ARSK: variants seen among roughly 807,000 people sequenced by gnomAD.
ARSK encodes arylsulfatase family member K.
ARSK carries 37 observed loss-of-function variants against 53.2 expected under a neutral mutation model. The ratio of observed to expected loss-of-function variants is 0.70; its 90% confidence interval spans 0.54 to 0.92. The LOEUF (loss-of-function observed/expected upper bound fraction) is 0.92, where lower values mean the gene tolerates loss of function less well. Among genes scored for constraint, ARSK ranks in the 40% least tolerant of loss-of-function variants. ARSK has a pLI of 0.00. For synonymous variants in ARSK, 208 were observed against 223.2 expected, an observed-to-expected ratio of 0.93 and a Z score of 0.61; for missense variants, 613 against 643.0, an observed-to-expected ratio of 0.95 and a Z score of 0.51.
At chr5:95,588,898 G>T (rs1312570481) in intron 5 of ARSK, among the ~76,000 whole-genome samples, 1 of 152,062 alleles carries the variant, frequency 6.6e-6, no homozygotes, top group Non-Finnish European at 1.5e-5. Flanking sequence ...GGAGGCGGAG[G>T]TTGCAGTGAA....
intron 1 of ARSK, chr5:95,557,198 G>A (rs991437128): frequency 6.6e-6 from 1 of 152,010 alleles, no homozygotes; most frequent in African/African-American, 2.4e-5. Flanking sequence ...AGAGTTCCAT[G>A]TCCACAATAC....
At chr5:95,591,775 T>A (rs1749221946) in intron 6 of ARSK, 150 bp downstream of exon 6, 1 of 696,902 alleles carries the variant, frequency 1.4e-6, no homozygotes, top group African/African-American at 1.8e-5. Flanking sequence ...GAGTCAAATC[T>A]GTACTCTGAA....
chr5:95,588,835 GC>G (rs1424734075), intron 5 of ARSK, among the ~76,000 whole-genome samples: 1 of 151,974 alleles, frequency 6.6e-6, no homozygotes, highest in Non-Finnish European at 1.5e-5. Context: ...GGCAGTGTGC[GC>G]CTGTAGTCCC....
At chr5:95,586,516 T>C in intron 4 of ARSK, 46 bp from the exon 5 acceptor site, 1 of 1,439,160 alleles carries the variant, frequency 6.9e-7, no homozygotes, top group African/African-American at 1.4e-5. Context: ...AGGAAAGAAA[T>C]AGCACTATTT....
intron 5 of ARSK, among the ~76,000 whole-genome samples, chr5:95,590,553 T>G (rs1480061443): frequency 6.6e-6 from 1 of 152,118 alleles, no homozygotes; most frequent in Non-Finnish European, 1.5e-5. Context: ...ATTCCAGTTG[T>G]CCAGTTGAAA....
chr5:95,603,183 A>G, intron 7 of ARSK, 54 bp from the exon 8 acceptor site: 1 of 1,418,832 alleles, frequency 7.0e-7, no homozygotes, highest in Non-Finnish European at 9.4e-7. Flanking sequence ...TGACATTCTA[A>G]AAAAATTTTT....
At chr5:95,601,165 A>G (rs1749397009) in intron 7 of ARSK, 94 bp downstream of exon 7, 1 of 1,175,488 alleles carries the variant, frequency 8.5e-7, no homozygotes, top group African/African-American at 1.5e-5. Flanking sequence ...CTTGTTAAAT[A>G]AATGAATATC....
Position 95,577,343 on chromosome 5 carries a change from T to C in ARSK, c.417-5573T>C, listed in dbSNP as rs193073300. ...AATGGTGAATGTGATCTAAACCATT[T>C]TTAGATTCATAGCTAAAGTATTTTA... On this transcript the variant is annotated intron_variant, in intron 3 of 7. Transcript: ENST00000380009. Among the ~76,000 whole-genome samples the C allele has an allele frequency of 7.2e-5, 11 of 152,356 alleles. No individual in the cohort carries two copies. In the East Asian group the frequency reaches 2.1e-3, roughly 29 times the overall value.
At position 95,555,269 on chromosome 5, in the gene ARSK, G is replaced by T; in HGVS notation, c.-10G>T. The T allele has an allele frequency of 6.3e-7, 1 of 1,591,072 alleles. No homozygotes were observed. Among genetic ancestry groups the T allele is most frequent in the South Asian group, 1.1e-5 (1 of 90,654 alleles). ...GGCCCGGCGGCAGGCTCTCAGAACC[G>T]CTACCGGCGATGCTACTGCTGTGGG... On this transcript the variant is annotated 5_prime_UTR_variant, in exon 1 of 8. Coordinates refer to ENST00000380009, the MANE Select transcript of ARSK (RefSeq NM_198150.3). This position sits in a 1 kb window ranked among gnomAD's most constrained non-coding sequence, Gnocchi z 4.0.
At chr5:95,582,782 A>G (rs1749039152) in intron 3 of ARSK, 134 bp from the exon 4 acceptor site, 1 of 829,318 alleles carries the variant, frequency 1.2e-6, no homozygotes, top group South Asian at 3.3e-5. Context: ...TTTGAGATCT[A>G]ATATAGTTAT....
At chr5:95,594,867 A>G (rs1009132144) in intron 6 of ARSK, among the ~76,000 whole-genome samples, 7 of 151,958 alleles carry the variant, frequency 4.6e-5, no homozygotes, top group Non-Finnish European at 1.0e-4. Context: ...AGAAAGAAAT[A>G]GTCCTTCTCA....
chr5:95,573,669 T>G (rs1428717554), intron 3 of ARSK, among the ~76,000 whole-genome samples: 1 of 152,234 alleles, frequency 6.6e-6, no homozygotes, highest in Non-Finnish European at 1.5e-5. Context: ...ATTGTAATTA[T>G]GTATGTTGTC....
rs1171118440 is a variant in ARSK, at chr5:95,580,945, A to G, written c.417-1971A>G. ...AGAAGTGAAAAAGTTTGAGAAAGGTAAAAATACCTTTTGCCTTTAACCATA... is the reference window on the plus strand; with the variant it reads ...AGAAGTGAAAAAGTTTGAGAAAGGTGAAAATACCTTTTGCCTTTAACCATA... On this transcript the variant is annotated intron_variant, in intron 3 of 7. Transcript: ENST00000380009. The G allele has an allele frequency of 2.3e-6, 3 of 1,284,742 alleles. No individual in the cohort carries two copies. In the African/African-American group the frequency reaches 4.6e-5, roughly 20 times the overall value. The allele number at this position is 1,284,742 out of a possible 1,614,324, so 79.6% of individuals were successfully genotyped here. A position where few individuals can be genotyped will look rare whatever the true frequency, so the allele number is the denominator to read the frequency against.
At chr5:95,594,794 C>T (rs917292545) in intron 6 of ARSK, among the ~76,000 whole-genome samples, 23 of 151,350 alleles carry the variant, frequency 1.5e-4, no homozygotes, top group African/African-American at 4.1e-4. Context: ...GAGCCAAGAT[C>T]GTGCCACTGC....
At chr5:95,572,549 C>T (rs963154311) in intron 3 of ARSK, among the ~76,000 whole-genome samples, 3 of 152,182 alleles carry the variant, frequency 2.0e-5, no homozygotes, top group Admixed American at 2.0e-4. Flanking sequence ...GAGGCCGAGG[C>T]GGGCAGATCA....
rs549520712 is a variant in ARSK at position 95,589,287 on chromosome 5, A to G, written c.872-2114A>G. ...AGGGCGGGGACATTCTTTTATTTTT[A>G]TTTTAAGTTCCAGGGTACATGTGCA... On this transcript the variant is annotated intron_variant, in intron 5 of 7. Transcript: ENST00000380009. 3.3e-5 allele frequency among the ~76,000 whole-genome samples: 5 copies of G among 152,308 alleles called. No individual in the cohort carries two copies. The South Asian group carries it at 1.0e-3, about 32-fold the overall frequency.
Position 95,603,753 on chromosome 5 carries a change from C to T in ARSK, c.*227C>T, listed in dbSNP as rs1328596189. 3.7e-6 allele frequency: 1 copy of T among 272,456 alleles called. No homozygotes were observed. The highest frequency in any genetic ancestry group is 2.2e-5 in the African/African-American group (1 of 44,754). 16.9% of individuals were successfully genotyped at this position (272,456 alleles called of 1,614,324 possible). On this transcript the variant is annotated 3_prime_UTR_variant, in exon 8 of 8. Coordinates refer to ENST00000380009, the MANE Select transcript of ARSK (RefSeq NM_198150.3). ...TGAAACCCTGTCTCTACTAAAAATA[C>T]AAAAATTAGCTGGGCGCGGTGGTGC... is the stretch of plus-strand genomic sequence containing the variant.
At chr5:95,581,018 T>C in intron 3 of ARSK, 1 of 855,670 alleles carries the variant, frequency 1.2e-6, no homozygotes, top group Non-Finnish European at 1.6e-6. Context: ...TTGTTATAAC[T>C]CTACTTAAGT....
chr5:95,565,984 T>G lies in ARSK; in HGVS notation c.127-14T>G. 1 of 1,594,300 alleles carries G rather than the reference T, an allele frequency of 6.3e-7. No individual in the cohort carries two copies. The highest frequency in any genetic ancestry group is 8.5e-7 in the Non-Finnish European group (1 of 1,172,564). On this transcript the variant is annotated splice_polypyrimidine_tract_variant and intron_variant, in intron 1 of 7. Transcript: ENST00000380009. ...GTAATGTAATCAATGCTAATTAAAT[T>G]TCTTTATTTCCAGGATGGAAGGTTA...
Sources: gnomAD v4.1 joint callset for allele counts (sites outside exome capture counted in the v4.1 genomes callset) on GRCh38, gnomAD v4.1.1 for gene constraint, Gnocchi (gnomAD v3.1) non-coding constraint, MANE v1.5 for transcripts, NCBI Gene and HGNC (gene_info 2026-07-23, HGNC 2026-07-21) for gene names.